CDK14: variants seen among roughly 807,000 people sequenced by gnomAD.
The protein encoded by CDK14 is cyclin-dependent kinase 14.
Under a neutral mutation model 60.7 loss-of-function variants are expected in CDK14, and 34 were observed. That is an observed-to-expected ratio of 0.56 (90% CI 0.43 to 0.75). CDK14 has a LOEUF of 0.75. CDK14 is among the 30% of genes least tolerant of loss of function. The pLI is 0.00. For missense variants in CDK14, 482 were observed against 564.1 expected, an observed-to-expected ratio of 0.85 and a Z score of 1.47; for synonymous variants, 197 against 203.7, an observed-to-expected ratio of 0.97 and a Z score of 0.28.
At chr7:90,741,340 A>G (rs56271760) in intron 3 of CDK14, among the ~76,000 whole-genome samples, 2,320 of 152,314 alleles carry the variant, frequency 0.015, 49 homozygotes, top group African/African-American at 0.052. Flanking sequence ...ATACCTCCTC[A>G]GTCTGCACAG....
rs1803022060 is a variant in CDK14 at position 91,210,127 on chromosome 7, C to T, written c.*2991C>T. 2 of 152,636 alleles carry T rather than the reference C, an allele frequency of 1.3e-5. No homozygotes were observed. Among genetic ancestry groups the T allele is most frequent in the Non-Finnish European group, 1.5e-5 (1 of 68,044 alleles). The allele number at this position is 152,636 out of a possible 1,614,324, so 9.5% of individuals were successfully genotyped here. On this transcript the variant is annotated 3_prime_UTR_variant, in exon 15 of 15. Coordinates refer to ENST00000380050, the MANE Select transcript of CDK14 (RefSeq NM_001287135.2). ...GAATATGCTGCATAATTGCGCATAA[C>T]TTCCATCTCCCTTACTGGCTTGTAG...
intron 7 of CDK14, among the ~76,000 whole-genome samples, chr7:90,911,991 G>C (rs2117397607): frequency 6.6e-6 from 1 of 152,174 alleles, no homozygotes; most frequent in South Asian, 2.1e-4. Context: ...CTCTGCTGCT[G>C]GCAAAAATGT....
intron 6 of CDK14, among the ~76,000 whole-genome samples, chr7:90,863,621 T>C (rs1791077261): frequency 6.6e-6 from 1 of 151,906 alleles, no homozygotes; most frequent in African/African-American, 2.4e-5. Context: ...GAATGGTTTT[T>C]TATTTTTGGA....
chr7:90,725,498 C>A (rs10241946), intron 2 of CDK14, among the ~76,000 whole-genome samples: 1 of 152,142 alleles, frequency 6.6e-6, no homozygotes, highest in Non-Finnish European at 1.5e-5. Context: ...CAACCACGGA[C>A]CCAAAGTGTG....
chr7:91,138,886 A>G (rs934182351), intron 14 of CDK14, among the ~76,000 whole-genome samples: 2 of 152,078 alleles, frequency 1.3e-5, no homozygotes. Context: ...CAGAGATAAG[A>G]TCTCTTTCTT....
intron 12 of CDK14, among the ~76,000 whole-genome samples, chr7:91,104,563 C>G (rs13247020): frequency 0.046 from 6,989 of 152,258 alleles, 230 homozygotes; most frequent in Non-Finnish European, 0.07. Flanking sequence ...AATGTAGAAC[C>G]ATCCAAAAAG....
chr7:90,637,733 G>A (rs1242414222), intron 2 of CDK14, among the ~76,000 whole-genome samples: 5 of 133,476 alleles, frequency 3.7e-5, no homozygotes, highest in African/African-American at 1.5e-4. Context: ...TTGACAGTGG[G>A]GTGTTAAAGT....
At chr7:90,617,869 T>C (rs11563828) in intron 2 of CDK14, among the ~76,000 whole-genome samples, 10,280 of 152,150 alleles carry the variant, frequency 0.068, 462 homozygotes, top group East Asian at 0.19. Flanking sequence ...AGGTTAACTA[T>C]TGGTTGAGGT....
intron 2 of CDK14, among the ~76,000 whole-genome samples, chr7:90,613,654 A>G (rs1584741656): frequency 6.6e-6 from 1 of 152,040 alleles, no homozygotes; most frequent in Non-Finnish European, 1.5e-5. Flanking sequence ...GCCACTGCAC[A>G]CCAGCCTGGG....
chr7:90,823,440 A>G (rs889309726), intron 5 of CDK14, among the ~76,000 whole-genome samples: 3 of 152,210 alleles, frequency 2.0e-5, no homozygotes, highest in African/African-American at 7.2e-5. Context: ...TCTGATTGTT[A>G]TTTCTCACTA....
intron 5 of CDK14, among the ~76,000 whole-genome samples, chr7:90,827,960 C>T (rs1181450733): frequency 2.0e-5 from 3 of 152,134 alleles, no homozygotes; most frequent in African/African-American, 7.2e-5. Context: ...TTATACCTTT[C>T]AATTTAAAAA....
chr7:91,148,973 A>G (rs1230671785), intron 14 of CDK14, among the ~76,000 whole-genome samples: 1 of 152,176 alleles, frequency 6.6e-6, no homozygotes, highest in Non-Finnish European at 1.5e-5. Context: ...GTGGAGACCT[A>G]ATGATTTTAG....
At chr7:90,953,433 G>C (rs1794319349) in intron 8 of CDK14, among the ~76,000 whole-genome samples, 1 of 152,106 alleles carries the variant, frequency 6.6e-6, no homozygotes, top group Non-Finnish European at 1.5e-5. Flanking sequence ...TGGGAAAAAA[G>C]ACAGTAATGT....
intron 10 of CDK14, among the ~76,000 whole-genome samples, chr7:90,989,001 A>AGTGTGTGTGT (rs10696275): frequency 0.034 from 5,112 of 149,814 alleles, 122 homozygotes; most frequent in South Asian, 0.11. Context: ...TTTGTGTGTG[A>AGTGTGTGTGT]GTGTGTGTGT....
intron 9 of CDK14, among the ~76,000 whole-genome samples, chr7:90,972,672 G>A (rs902424143): frequency 6.6e-6 from 1 of 152,188 alleles, no homozygotes; most frequent in Non-Finnish European, 1.5e-5. Context: ...TTGCATCCCT[G>A]TGTGTTAAAT....
intron 10 of CDK14, among the ~76,000 whole-genome samples, chr7:91,034,638 C>T (rs1010851424): frequency 9.9e-5 from 15 of 152,130 alleles, no homozygotes; most frequent in African/African-American, 3.6e-4. Flanking sequence ...GAAGCCCTGG[C>T]AGCTTTTCAT....
intron 2 of CDK14, among the ~76,000 whole-genome samples, chr7:90,691,022 AT>A (rs1457606560): frequency 1.3e-5 from 2 of 152,080 alleles, no homozygotes; most frequent in African/African-American, 4.8e-5. Context: ...TTGTATTGTG[AT>A]TTTCTATTTT....
rs562868046 is a variant in CDK14 at position 90,923,903 on chromosome 7, A to G, written c.826+6179A>G. ...ATGTAGAAAGACTGGAACCTTAAGT[A>G]GCAGCCATGATGAACACAGTGGAAG... On this transcript the variant is annotated intron_variant, in intron 8 of 14. Coordinates refer to ENST00000380050, the MANE Select transcript of CDK14 (RefSeq NM_001287135.2). Among the ~76,000 whole-genome samples, 4 of 152,376 alleles carry G rather than the reference A, an allele frequency of 2.6e-5. 1 individual carries two copies. Among genetic ancestry groups the G allele is most frequent in the East Asian group, 1.9e-4 (1 of 5,194 alleles).
chr7:91,078,810 T>C (rs1798396695), intron 11 of CDK14, among the ~76,000 whole-genome samples: 1 of 152,238 alleles, frequency 6.6e-6, no homozygotes, highest in South Asian at 2.1e-4. Flanking sequence ...ACAATTGGTA[T>C]ATCATCAGAA....
Sources: allele counts gnomAD v4.1 joint callset (sites outside exome capture counted in the v4.1 genomes callset), GRCh38; gene constraint gnomAD v4.1.1; transcripts MANE v1.5; gene names NCBI Gene and HGNC (gene_info 2026-07-23, HGNC 2026-07-21).